TMEM132D: variants seen among roughly 807,000 people sequenced by gnomAD.
TMEM132D encodes the protein mature OL transmembrane protein.
A neutral mutation model predicts 62.3 loss-of-function variants in TMEM132D; 21 were observed. The ratio of observed to expected loss-of-function variants is 0.34; its 90% CI spans 0.24 to 0.49. The LOEUF is 0.49. TMEM132D is among the 20% of genes least tolerant of loss of function. TMEM132D has a pLI of 0.99. For synonymous variants in TMEM132D, 621 were observed against 575.6 expected, an observed-to-expected ratio of 1.08 and a Z score of -1.13; for missense variants, 1,346 against 1,402.8, an observed-to-expected ratio of 0.96 and a Z score of 0.65.
intron 5 of TMEM132D, among the ~76,000 whole-genome samples, chr12:129,164,354 C>T (rs771551898): frequency 1.6e-4 from 24 of 152,336 alleles, no homozygotes; most frequent in Non-Finnish European, 2.5e-4. Flanking sequence ...TGTGATACCA[C>T]GACCCACCCA....
chr12:129,214,851 T>C (rs7963483), intron 4 of TMEM132D, among the ~76,000 whole-genome samples: 75,927 of 152,040 alleles, frequency 0.5, 19,353 homozygotes, highest in East Asian at 0.72. Flanking sequence ...AATACTTATA[T>C]ACTGTGGGTA....
At chr12:129,261,890 A>T (rs1593315235) in intron 4 of TMEM132D, among the ~76,000 whole-genome samples, 1 of 152,228 alleles carries the variant, frequency 6.6e-6, no homozygotes, top group East Asian at 1.9e-4. Flanking sequence ...GTATTTTAAC[A>T]TAATGAATTT....
At chr12:129,658,587 C>A (rs1178154465) in intron 2 of TMEM132D, among the ~76,000 whole-genome samples, 2 of 152,148 alleles carry the variant, frequency 1.3e-5, no homozygotes, top group Non-Finnish European at 2.9e-5. Context: ...CTTGGGGTGG[C>A]CTCAGAAAAC....
Position 129,903,072 on chromosome 12 carries a change from G to C in TMEM132D, c.79+189C>G, listed in dbSNP as rs1875418001. Among the ~76,000 whole-genome samples, 1 of 152,176 alleles carries C rather than the reference G, an allele frequency of 6.6e-6. No homozygotes were observed. Among genetic ancestry groups the C allele is most frequent in the Non-Finnish European group, 1.5e-5 (1 of 68,026 alleles). ...CTCCAGGACAAGCACCTTCGGCCAAGGGGCGTCCGAGGAGCTTGGCTGCCG... is the reference window on the plus strand; with the variant it reads ...CTCCAGGACAAGCACCTTCGGCCAACGGGCGTCCGAGGAGCTTGGCTGCCG... On this transcript the variant is annotated intron_variant, in intron 1 of 8. Coordinates refer to ENST00000422113, the MANE Select transcript of TMEM132D (RefSeq NM_133448.3). This position sits in a 1 kb window ranked among gnomAD's most constrained non-coding sequence, Gnocchi z 6.2.
intron 3 of TMEM132D, among the ~76,000 whole-genome samples, chr12:129,525,370 A>T (rs1262853940): frequency 6.6e-6 from 1 of 151,212 alleles, no homozygotes; most frequent in Non-Finnish European, 1.5e-5. Context: ...CTTCTGACAG[A>T]TTCTAAATTT....
chr12:129,877,439 C>T (rs1206578122), intron 1 of TMEM132D, among the ~76,000 whole-genome samples: 1 of 152,140 alleles, frequency 6.6e-6, no homozygotes, highest in Admixed American at 6.5e-5. Context: ...AGCACCCATT[C>T]CTATTTGTTC....
intron 5 of TMEM132D, among the ~76,000 whole-genome samples, chr12:129,130,314 G>A (rs997011430): frequency 9.1e-6 from 1 of 110,454 alleles, no homozygotes; most frequent in Admixed American, 1.1e-4. Flanking sequence ...CCTCATCCCA[G>A]CTCAGGGAGG....
At chr12:129,187,398 G>T (rs1312454902) in intron 5 of TMEM132D, among the ~76,000 whole-genome samples, 1 of 152,214 alleles carries the variant, frequency 6.6e-6, no homozygotes, top group African/African-American at 2.4e-5. Flanking sequence ...CAGAATAACA[G>T]CCAAGAACTT....
chr12:129,378,948 T>C (rs959612554), intron 3 of TMEM132D, among the ~76,000 whole-genome samples: 3 of 152,112 alleles, frequency 2.0e-5, no homozygotes, highest in Admixed American at 2.0e-4. Flanking sequence ...GCGGATTTTG[T>C]CAGGAGGTTA....
Position 129,596,763 on chromosome 12 carries a change from G to A in TMEM132D, c.969-65558C>T, listed in dbSNP as rs1202390121. ...ATTCCATATGCCTCTGACCTCATTC[G>A]AATGGTGTTTTTTTTTTTAAACTCC... On this transcript the variant is annotated intron_variant, in intron 2 of 8. Coordinates refer to ENST00000422113, the MANE Select transcript of TMEM132D (RefSeq NM_133448.3). Among the ~76,000 whole-genome samples, 12 of 151,234 alleles carry A rather than the reference G, an allele frequency of 7.9e-5. No homozygotes were observed. The East Asian group carries it at 2.0e-3, about 25-fold the overall frequency.
chr12:129,697,766 G>A (rs1180348673), intron 2 of TMEM132D, among the ~76,000 whole-genome samples: 1 of 152,186 alleles, frequency 6.6e-6, no homozygotes, highest in Non-Finnish European at 1.5e-5. Flanking sequence ...GCCACACATA[G>A]TGAATTTCTC....
At chr12:129,088,722 C>CTGACCGGGTGTCCTCCA (rs1874770462) in intron 5 of TMEM132D, among the ~76,000 whole-genome samples, 2 of 27,434 alleles carry the variant, frequency 7.3e-5, no homozygotes, top group African/African-American at 6.6e-4. Context: ...GGTGTCCTCC[C>CTGACCGGGTGTCCTCCA]TGACCGGGTG....
chr12:129,510,793 A>G (rs1201074745), intron 3 of TMEM132D, among the ~76,000 whole-genome samples: 4 of 152,154 alleles, frequency 2.6e-5, no homozygotes, highest in South Asian at 2.1e-4. Context: ...AGCACAATCT[A>G]CTGAAGAGAC....
intron 2 of TMEM132D, among the ~76,000 whole-genome samples, chr12:129,613,845 C>T (rs1450422020): frequency 1.4e-5 from 2 of 141,226 alleles, no homozygotes. Context: ...CCCAGGGGAT[C>T]GGCTCCAGAA....
At chr12:129,518,514 T>C (rs1228169160) in intron 3 of TMEM132D, among the ~76,000 whole-genome samples, 4 of 151,464 alleles carry the variant, frequency 2.6e-5, no homozygotes, top group Admixed American at 6.6e-5. Flanking sequence ...TGTGTGTATA[T>C]ATATGTGTGT....
chr12:129,295,981 T>C (rs1881563360), intron 4 of TMEM132D, among the ~76,000 whole-genome samples: 1 of 152,100 alleles, frequency 6.6e-6, no homozygotes, highest in Non-Finnish European at 1.5e-5. Flanking sequence ...AAGGGCCAAC[T>C]ATACTCACAC....
chr12:129,535,404 T>C (rs2137092642), intron 2 of TMEM132D, among the ~76,000 whole-genome samples: 1 of 152,256 alleles, frequency 6.6e-6, no homozygotes, highest in Non-Finnish European at 1.5e-5. Context: ...AGAGATGGAT[T>C]TGGATGGAGG....
chr12:129,659,148 C>A (rs1880172076), intron 2 of TMEM132D, among the ~76,000 whole-genome samples: 1 of 152,042 alleles, frequency 6.6e-6, no homozygotes, highest in African/African-American at 2.4e-5. Flanking sequence ...TAGCAGTCAT[C>A]TTGGAAGTGG....
chr12:129,798,951 G>C (rs954368984), intron 1 of TMEM132D, among the ~76,000 whole-genome samples: 3 of 152,168 alleles, frequency 2.0e-5, no homozygotes, highest in Non-Finnish European at 2.9e-5. Context: ...AACTCTTAAC[G>C]ACTGGAAGAG....
Sources: gnomAD v4.1 joint callset for allele counts (sites outside exome capture counted in the v4.1 genomes callset) on GRCh38, gnomAD v4.1.1 for gene constraint, Gnocchi (gnomAD v3.1) non-coding constraint, MANE v1.5 for transcripts, NCBI Gene and HGNC (gene_info 2026-07-23, HGNC 2026-07-21) for gene names.